BICRA: variants seen among roughly 807,000 people sequenced by gnomAD.
The protein encoded by BICRA is BRD4 interacting chromatin remodeling complex associated protein, also known as BRD4-interacting chromatin-remodeling complex-associated protein.
In BICRA, 31 loss-of-function variants were observed where a neutral mutation model predicts 96.9. The observed-to-expected ratio is 0.32, with a 90% CI of 0.24 to 0.43. BICRA has a LOEUF of 0.43. BICRA is among the 20% of genes least tolerant of loss of function. The pLI is 1.00. For synonymous variants in BICRA, 1,350 were observed against 1,071.8 expected (o/e 1.26, Z -5.07); for missense variants, 2,283 against 2,190.3 (o/e 1.04, Z -0.84).
At chr19:47,653,002 G>A (rs1020919556) in intron 1 of BICRA, among the ~76,000 whole-genome samples, 1 of 145,388 alleles carries the variant, frequency 6.9e-6, no homozygotes, top group Non-Finnish European at 1.5e-5. Context: ...AGTACACAAA[G>A]AACGTCCTCA....
intron 1 of BICRA, among the ~76,000 whole-genome samples, chr19:47,620,014 C>G (rs2123508816): frequency 6.6e-6 from 1 of 152,266 alleles, no homozygotes; most frequent in South Asian, 2.1e-4. Flanking sequence ...TCAGCCTTGC[C>G]TCTTCTAGAA....
At chr19:47,676,600 C>T (rs1261631645) in intron 5 of BICRA, among the ~76,000 whole-genome samples, 1 of 103,730 alleles carries the variant, frequency 9.6e-6, no homozygotes, top group Non-Finnish European at 2.1e-5. Flanking sequence ...TTCCTCCTTC[C>T]CCCCCTCACC....
upstream of BICRA, chr19:47,608,439 T>C (rs1015036781): frequency 6.6e-6 from 1 of 152,178 alleles, no homozygotes; most frequent in Non-Finnish European, 1.5e-5. Context: ...CGACTCCCGC[T>C]ATCTTTTCGG....
chr19:47,683,738 C>G (rs1416394205), intron 7 of BICRA, among the ~76,000 whole-genome samples: 1 of 152,166 alleles, frequency 6.6e-6, no homozygotes, highest in Admixed American at 6.6e-5. Context: ...GCGCCCGCCA[C>G]CACGCCGGGC....
At chr19:47,610,888 T>G (rs115390619) in intron 1 of BICRA, among the ~76,000 whole-genome samples, 3 of 152,096 alleles carry the variant, frequency 2.0e-5, no homozygotes, top group Admixed American at 6.5e-5. Flanking sequence ...GGTAGGACTT[T>G]TGGGACATGT....
intron 7 of BICRA, among the ~76,000 whole-genome samples, chr19:47,685,931 C>A (rs955557145): frequency 6.6e-6 from 1 of 151,852 alleles, no homozygotes; most frequent in Non-Finnish European, 1.5e-5. Flanking sequence ...TGACCCACCA[C>A]CCGGGATAAG....
At chr19:47,618,904 T>C (rs1972021538) in intron 1 of BICRA, among the ~76,000 whole-genome samples, 1 of 152,156 alleles carries the variant, frequency 6.6e-6, no homozygotes, top group Non-Finnish European at 1.5e-5. Context: ...ATGCCAACTC[T>C]CGTCCACCGT....
At chr19:47,664,862 G>A (rs1227930525) in intron 1 of BICRA, among the ~76,000 whole-genome samples, 3 of 152,106 alleles carry the variant, frequency 2.0e-5, no homozygotes, top group South Asian at 2.1e-4. Flanking sequence ...GACACAGTGC[G>A]CCCACTCCAT....
intron 1 of BICRA, among the ~76,000 whole-genome samples, chr19:47,626,914 G>T (rs1036224976): frequency 4.0e-5 from 6 of 151,816 alleles, no homozygotes; most frequent in African/African-American, 1.5e-4. Context: ...TAGAGATGGG[G>T]TTTCACCATG....
At chr19:47,641,363 C>T (rs1156698992) in intron 1 of BICRA, among the ~76,000 whole-genome samples, 1 of 152,054 alleles carries the variant, frequency 6.6e-6, no homozygotes, top group Non-Finnish European at 1.5e-5. Context: ...TTCTGTTACC[C>T]CAAAAGGATC....
chr19:47,647,774 A>T (rs951261518), intron 1 of BICRA, among the ~76,000 whole-genome samples: 3 of 151,942 alleles, frequency 2.0e-5, no homozygotes, highest in Admixed American at 2.0e-4. Flanking sequence ...TGTGACCAAG[A>T]TGTCCGCATC....
rs1258698878 is a variant in BICRA, at chr19:47,703,001, T to A, written c.*586T>A. The A allele has an allele frequency of 6.6e-6, 1 of 152,082 alleles. No individual in the cohort carries two copies. The highest frequency in any genetic ancestry group is 1.5e-5 in the Non-Finnish European group (1 of 68,134). 9.4% of individuals were successfully genotyped at this position (152,082 alleles called of 1,614,324 possible). On this transcript the variant is annotated 3_prime_UTR_variant, in exon 15 of 15. Transcript: ENST00000594866. ...GTGTGTGTGTGTGTGCACAAGTGAG[T>A]GAGAGATTTCGAACGCCCACCCCTC...
chr19:47,686,714 C>T (rs1382407457), intron 7 of BICRA, among the ~76,000 whole-genome samples: 1 of 152,182 alleles, frequency 6.6e-6, no homozygotes, highest in African/African-American at 2.4e-5. Flanking sequence ...CTGGTTCCAA[C>T]TCCCTAAGAT....
intron 1 of BICRA, among the ~76,000 whole-genome samples, chr19:47,624,481 T>C (rs1357708711): frequency 6.6e-6 from 1 of 152,138 alleles, no homozygotes; most frequent in Non-Finnish European, 1.5e-5. Flanking sequence ...AATAACATCA[T>C]GTCTAAAAAA....
At chr19:47,690,816 G>GCA (rs1973230999) in intron 7 of BICRA, among the ~76,000 whole-genome samples, 1 of 150,196 alleles carries the variant, frequency 6.7e-6, no homozygotes. Context: ...GTGTGTGTGC[G>GCA]CACTTTTGAT....
intron 1 of BICRA, among the ~76,000 whole-genome samples, chr19:47,661,282 T>TG (rs1442268972): frequency 4.7e-5 from 7 of 149,846 alleles, no homozygotes; most frequent in Admixed American, 4.0e-4. Context: ...ACGAAGATGA[T>TG]GAAGTCAGAG....
chr19:47,679,614 G>A lies in BICRA; in HGVS notation c.444G>A (p.Gly148=). The part of the protein sequence containing the change: ...DGGAGPTGAG[G]AAAVAAGPQA... ...GGGCAGGCCCGACGGGCGCTGGAGG[G>A]GCAGCGGCCGTGGCTGCGGGGCCCC... is the stretch of plus-strand genomic sequence containing the variant. Residue 148 remains glycine, a synonymous_variant, in exon 6 of 15, where the codon GGG becomes GGA. Transcript: ENST00000594866. 1 of 1,521,242 alleles carries A rather than the reference G, an allele frequency of 6.6e-7. No homozygotes were observed. The highest frequency in any genetic ancestry group is 8.8e-7 in the Non-Finnish European group (1 of 1,134,244). The allele number at this position is 1,521,242 out of a possible 1,614,324, so 94.2% of individuals were successfully genotyped here.
At position 47,698,940 on chromosome 19, in the gene BICRA, C is replaced by T. The variant is rs1163693936; in HGVS notation, c.3398-25C>T. The T allele has an allele frequency of 6.5e-7, 1 of 1,539,264 alleles. No homozygotes were observed. On this transcript the variant is annotated intron_variant, in intron 12 of 14. Transcript: ENST00000594866. This position sits in a 1 kb window ranked among gnomAD's most constrained non-coding sequence, Gnocchi z 4.8. ...CGCGGCCGCCCCCAACATCTCCGCC[C>T]TTGCCTCTCTTCCCTTCCTCGCAGT... is the stretch of plus-strand genomic sequence containing the variant.
chr19:47,648,852 A>ATT (rs1359940506), intron 1 of BICRA, among the ~76,000 whole-genome samples: 12 of 125,174 alleles, frequency 9.6e-5, no homozygotes, highest in Middle Eastern at 4.2e-3. Context: ...ACGCTGGGCT[A>ATT]TTTTTTTTTT....
Sources: gnomAD v4.1 joint callset for allele counts (sites outside exome capture counted in the v4.1 genomes callset) on GRCh38, gnomAD v4.1.1 for gene constraint, Gnocchi (gnomAD v3.1) non-coding constraint, MANE v1.5 for transcripts, NCBI Gene and HGNC (gene_info 2026-07-23, HGNC 2026-07-21) for gene names.